The following TRMT44 variants were observed in gnomAD, a reference collection of about 807,000 sequenced individuals.
TRMT44 encodes tRNA methyltransferase 44 homolog.
In TRMT44, 78 loss-of-function variants were observed where a neutral mutation model predicts 77.3. That is an observed-to-expected ratio of 1.01 (90% CI 0.84 to 1.22). TRMT44 has a LOEUF of 1.22. Among genes scored for constraint, TRMT44 ranks in the 50% most tolerant of loss-of-function variants. TRMT44 has a pLI of 0.00. For missense variants in TRMT44, 1,090 were observed against 964.4 expected (o/e 1.13, Z -1.73); for synonymous variants, 391 against 383.3 (o/e 1.02, Z -0.23).
At chr4:8,463,916 A>G (rs1199304029) in intron 6 of TRMT44, 69 bp from the exon 7 acceptor site, 1 of 1,335,226 alleles carries the variant, frequency 7.5e-7, no homozygotes, top group Non-Finnish European at 1.1e-6. Context: ...CCCTCCCGCC[A>G]TGTCCTGCCC....
downstream of TRMT44, among the ~76,000 whole-genome samples, chr4:8,481,495 G>A (rs185276020): frequency 7.2e-5 from 11 of 152,146 alleles, no homozygotes; most frequent in Admixed American, 5.2e-4. Context: ...TCTCTTCGTC[G>A]ACAACCTGAT....
chr4:8,475,083 C>T (rs1444865435), intron 10 of TRMT44, among the ~76,000 whole-genome samples: 2 of 152,228 alleles, frequency 1.3e-5, no homozygotes, highest in Non-Finnish European at 2.9e-5. Context: ...TTACTCCACA[C>T]TTGCACCTGG....
At chr4:8,499,318 C>T in the TRMT44 span, among the ~76,000 whole-genome samples, 1 of 152,086 alleles carries the variant, frequency 6.6e-6, no homozygotes. Context: ...TAAAGGTGAC[C>T]CCAGCCCCTG....
At chr4:8,472,313 T>C (rs1727059671) in intron 10 of TRMT44, among the ~76,000 whole-genome samples, 1 of 151,874 alleles carries the variant, frequency 6.6e-6, no homozygotes, top group African/African-American at 2.4e-5. Context: ...AGAGCCAGGG[T>C]TGGGAGGAGT....
rs144554065 is a variant in TRMT44, at chr4:8,471,147, G to C, written c.1991G>C (p.Arg664Pro). The change falls in exon 10 of 11, where the codon CGG becomes CCG. Residue 664 changes from arginine to proline, a missense_variant. By Grantham distance (103) the Arg-to-Pro change is moderately radical. Coordinates refer to ENST00000389737, the MANE Select transcript of TRMT44 (RefSeq NM_152544.3). ...LDTETLRRLK[R>P]ECGGLQTLLR... ...ACGGAGACCCTGCGGAGGCTGAAGC[G>C]GGAGTGTGGGGGCCTGCAGACGCTG... 2.5e-6 allele frequency: 4 copies of C among 1,610,664 alleles called. No individual in the cohort carries two copies. In the African/African-American group the frequency reaches 5.4e-5, roughly 22 times the overall value.
chr4:8,454,568 A>C (rs941977490), intron 5 of TRMT44, 174 bp from the exon 6 acceptor site: 2 of 609,970 alleles, frequency 3.3e-6, no homozygotes, highest in Non-Finnish European at 5.8e-6. Context: ...ATCGTATCAC[A>C]GGGTAATGGC....
At position 8,444,720 on chromosome 4, in the gene TRMT44, C is replaced by T. The variant is rs906496672; in HGVS notation, c.620-1756C>T. 2.6e-5 allele frequency among the ~76,000 whole-genome samples: 4 copies of T among 152,190 alleles called. No homozygotes were observed. Among genetic ancestry groups the T allele is most frequent in the South Asian group, 2.1e-4 (1 of 4,816 alleles). On this transcript the variant is annotated intron_variant, in intron 1 of 10. Transcript: ENST00000389737. The surrounding 1 kb of genome is among the most constrained non-coding windows in gnomAD (Gnocchi z 4.0). ...GCCACTATTGTACATTTTTAAATAA[C>T]GAAAAGAGTGTAATTGGATTGTTTG...
At chr4:8,470,963 C>G in intron 9 of TRMT44, 121 bp from the exon 10 acceptor site, 1 of 671,942 alleles carries the variant, frequency 1.5e-6, no homozygotes, top group Middle Eastern at 3.9e-4. Context: ...AATCGTCCTT[C>G]GTGCTGGAGT....
At chr4:8,489,664 G>C (rs778405072) in intron 2 of TRMT44, among the ~76,000 whole-genome samples, 46 of 152,248 alleles carry the variant, frequency 3.0e-4, no homozygotes, top group Non-Finnish European at 5.4e-4. Flanking sequence ...TTTTAGTAGA[G>C]ATGGGGTTTC....
rs1289143543 is a variant in TRMT44, at chr4:8,476,226, C to T, written c.*225C>T. 3.4e-6 allele frequency: 2 copies of T among 587,662 alleles called. No homozygotes were observed. The highest frequency in any genetic ancestry group is 3.1e-5 in the Admixed American group (1 of 32,636). The allele number at this position is 587,662 out of a possible 1,614,324, so 36.4% of individuals were successfully genotyped here. A position where few individuals can be genotyped will look rare whatever the true frequency, so the allele number is the denominator to read the frequency against. ...CTGACTGCCTGGCTTGTTTCAGATG[C>T]AGCCGCTTGAAACGTGCGCAGCATC... On this transcript the variant is annotated 3_prime_UTR_variant, in exon 11 of 11. Coordinates refer to ENST00000389737, the MANE Select transcript of TRMT44 (RefSeq NM_152544.3).
intron 6 of TRMT44, among the ~76,000 whole-genome samples, chr4:8,458,886 T>G (rs1299093914): frequency 6.6e-6 from 1 of 152,052 alleles, no homozygotes; most frequent in African/African-American, 2.4e-5. Flanking sequence ...CTATGAGTAG[T>G]CAGTTTTGGG....
chr4:8,474,573 G>A (rs1374344576), intron 10 of TRMT44, among the ~76,000 whole-genome samples: 4 of 152,206 alleles, frequency 2.6e-5, no homozygotes, highest in Non-Finnish European at 5.9e-5. Context: ...ACACAGGCTC[G>A]TTATTGCCAC....
intron 1 of TRMT44, among the ~76,000 whole-genome samples, chr4:8,442,621 A>C (rs532952430): frequency 4.6e-5 from 7 of 152,158 alleles, no homozygotes; most frequent in Non-Finnish European, 7.3e-5. Context: ...CTGGGCTCTT[A>C]TTTGGAGGTT....
chr4:8,454,491 C>G, intron 5 of TRMT44: 1 of 570,796 alleles, frequency 1.8e-6, no homozygotes, highest in Middle Eastern at 4.8e-4. Context: ...AGAAAATCAG[C>G]TTGGTACCAC....
At position 8,468,135 on chromosome 4, in the gene TRMT44, C is replaced by T. The variant is rs183254183; in HGVS notation, c.1716C>T (p.Ala572=). 24 of 1,613,916 alleles carry T rather than the reference C, an allele frequency of 1.5e-5. No individual in the cohort carries two copies. In the Admixed American group the frequency reaches 1.8e-4, roughly 12 times the overall value. The change falls in exon 9 of 11, where the codon GCC becomes GCT. Residue 572 remains alanine, a synonymous_variant. Coordinates refer to ENST00000389737, the MANE Select transcript of TRMT44 (RefSeq NM_152544.3). ...TCGGGTGTGTAACCAGGGCCTGGGC[C>T]GCTGAGCATGGAGCAGGGCCCCAGG... ...ARVGCVTRAW[A]AEHGAGPQAE...
chr4:8,512,125 G>T, the TRMT44 span: 1 of 152,022 alleles, frequency 6.6e-6, no homozygotes, highest in Non-Finnish European at 1.5e-5. Context: ...GGAGTGCGGG[G>T]GTGCGATCTC....
intron 7 of TRMT44, 146 bp downstream of exon 7, chr4:8,464,237 T>C (rs1726370065): frequency 1.6e-6 from 1 of 614,656 alleles, no homozygotes; most frequent in East Asian, 2.8e-5. Flanking sequence ...GTTTGCTTAT[T>C]GCCTGTATTG....
In TRMT44 at chr4:8,485,399, C is replaced by T. The variant is rs562466439; in HGVS notation, n.3891+5866C>T. Among the ~76,000 whole-genome samples, 59 of 152,186 alleles carry T rather than the reference C, an allele frequency of 3.9e-4. 1 individual carries two copies. The highest frequency in any genetic ancestry group is 3.4e-3 in the Middle Eastern group (1 of 294). On this transcript the variant is annotated intron_variant and non_coding_transcript_variant, in intron 2 of 2. Coordinates refer to the TRMT44 transcript ENST00000511366. The stretch of plus-strand genomic sequence containing the variant: ...CCTGAACTAATCTGTAAGACTTGTC[C>T]GGTTTTTGGACAGGTAAAATGGGGG...
Position 8,446,176 on chromosome 4 carries a change from TC to T in TRMT44, c.620-299del, listed in dbSNP as rs1387575077. ...GTTAGGGCAGAGGTCCCCTGTTTTC[TC>T]TGATTGTAGCTCTCAAGTTCCAATA... is the stretch of plus-strand genomic sequence containing the variant. On this transcript the variant is annotated intron_variant, in intron 1 of 10. Transcript: ENST00000389737. This position sits in a 1 kb window ranked among gnomAD's most constrained non-coding sequence, Gnocchi z 4.3. Among the ~76,000 whole-genome samples, 1 of 152,224 alleles carries T rather than the reference TC, an allele frequency of 6.6e-6. No individual in the cohort carries two copies. Among genetic ancestry groups the T allele is most frequent in the African/African-American group, 2.4e-5 (1 of 41,462 alleles).
Sources: allele counts gnomAD v4.1 joint callset (sites outside exome capture counted in the v4.1 genomes callset), GRCh38; gene constraint gnomAD v4.1.1; non-coding constraint Gnocchi (gnomAD v3.1); transcripts MANE v1.5; gene names NCBI Gene and HGNC (gene_info 2026-07-23, HGNC 2026-07-21).